The following ALKAL2 variants were observed in gnomAD, a reference collection of about 807,000 sequenced individuals.
The protein encoded by ALKAL2 is AUG-alpha.
ALKAL2 carries 8 observed loss-of-function variants against 18.5 expected under a neutral mutation model. The observed-to-expected ratio is 0.43, with a 90% confidence interval of 0.25 to 0.78. The LOEUF (loss-of-function observed/expected upper bound fraction) is 0.78. Among genes scored for constraint, ALKAL2 ranks in the 30% least tolerant of loss-of-function variants. The pLI is 0.22. For missense variants in ALKAL2, 241 were observed against 211.2 expected, an observed-to-expected ratio of 1.14 and a Z score of -0.88; for synonymous variants, 135 against 95.8, an observed-to-expected ratio of 1.41 and a Z score of -2.39.
rs1670588341 is a variant in ALKAL2, at chr2:287,995, C to G, written c.-58+18G>C. 1 of 1,233,398 alleles carries G rather than the reference C, an allele frequency of 8.1e-7. No individual in the cohort carries two copies. The highest frequency in any genetic ancestry group is 1.0e-6 in the Non-Finnish European group (1 of 990,436). The allele number at this position is 1,233,398 out of a possible 1,614,324, so 76.4% of individuals were successfully genotyped here. A position where few individuals can be genotyped will look rare whatever the true frequency, so the allele number is the denominator to read the frequency against. On this transcript the variant is annotated intron_variant, in intron 1 of 5. Coordinates refer to ENST00000403610, the MANE Select transcript of ALKAL2 (RefSeq NM_001002919.3). ...GGGGAGGCGGGAGGAGCCGCTGGCG[C>G]TGGACCCGGCCCCTCACCTCCGCGG...
intron 4 of ALKAL2, among the ~76,000 whole-genome samples, chr2:284,642 A>G (rs957721475): frequency 6.6e-6 from 1 of 152,192 alleles, no homozygotes; most frequent in Non-Finnish European, 1.5e-5. Context: ...GGAGGTATCG[A>G]ATGCAGGCAC....
chr2:286,401 GA>G, intron 2 of ALKAL2, 58 bp from the exon 3 acceptor site: 2 of 1,343,756 alleles, frequency 1.5e-6, no homozygotes, highest in Non-Finnish European at 2.1e-6. Context: ...TTAAAAATGT[GA>G]TCTTAAGTGA....
chr2:280,257 A>G, intron 5 of ALKAL2, 105 bp from the exon 6 acceptor site: 1 of 1,272,054 alleles, frequency 7.9e-7, no homozygotes, highest in Admixed American at 1.7e-5. Flanking sequence ...TTATAAACAT[A>G]GGCAGTCTCA....
chr2:279,914 T>C lies in ALKAL2; in HGVS notation c.*233A>G, dbSNP rs1670280635. 5.9e-6 allele frequency: 3 copies of C among 505,628 alleles called. No homozygotes were observed. The highest frequency in any genetic ancestry group is 1.1e-5 in the Non-Finnish European group (3 of 280,932). The allele number at this position is 505,628 out of a possible 1,614,324, so 31.3% of individuals were successfully genotyped here. A position where few individuals can be genotyped will look rare whatever the true frequency, so the allele number is the denominator to read the frequency against. On this transcript the variant is annotated 3_prime_UTR_variant, in exon 6 of 6. Coordinates refer to ENST00000403610, the MANE Select transcript of ALKAL2 (RefSeq NM_001002919.3). ...ACACGTCAAATGTGGAGCATTCCTT[T>C]TGTGTTTTTTTTTTAAATAAGTGAC...
chr2:284,244 T>G (rs530521305), intron 4 of ALKAL2, among the ~76,000 whole-genome samples: 4 of 152,320 alleles, frequency 2.6e-5, no homozygotes, highest in East Asian at 1.9e-4. Flanking sequence ...TCAACCCAGG[T>G]GTTTTCAGCA....
intron 5 of ALKAL2, among the ~76,000 whole-genome samples, chr2:282,127 G>A (rs1485523464): frequency 2.0e-5 from 3 of 152,148 alleles, no homozygotes; most frequent in Non-Finnish European, 4.4e-5. Flanking sequence ...ATGGAGTGGG[G>A]GATGCATGGG....
chr2:287,627 C>G lies in ALKAL2; in HGVS notation c.209G>C (p.Arg70Pro), dbSNP rs1670565346. 2.0e-6 allele frequency: 3 copies of G among 1,477,188 alleles called. No homozygotes were observed. The highest frequency in any genetic ancestry group is 8.9e-7 in the Non-Finnish European group (1 of 1,119,870). 91.5% of individuals were successfully genotyped at this position (1,477,188 alleles called of 1,614,324 possible). The change falls in exon 2 of 6, where the codon CGC becomes CCC. Residue 70 changes from arginine to proline, a missense_variant. Arg to Pro is a moderately radical substitution (Grantham distance 103). Transcript: ENST00000403610. Reference sequence around the variant, plus strand: ...AGGCCCCAGCCCCGCCGCCTCCGCGCGGCCCAGGGCGCAGTCCCGCCCGAG... The same window carrying G: ...AGGCCCCAGCCCCGCCGCCTCCGCGGGGCCCAGGGCGCAGTCCCGCCCGAG... ...QLLGRDCALG[R>P]AEAAGLGPSP...
chr2:280,473 C>G (rs890514099), intron 5 of ALKAL2, among the ~76,000 whole-genome samples: 1 of 152,198 alleles, frequency 6.6e-6, no homozygotes, highest in Non-Finnish European at 1.5e-5. Flanking sequence ...CAGGGATTAA[C>G]CTGGCAGTTC....
intron 5 of ALKAL2, 116 bp from the exon 6 acceptor site, chr2:280,268 G>T: frequency 9.0e-7 from 1 of 1,113,964 alleles, no homozygotes; most frequent in Non-Finnish European, 1.4e-6. Flanking sequence ...GGCAGTCTCA[G>T]AGTGCATCTG....
In ALKAL2 at chr2:279,948, CTG is replaced by C. The variant is rs1166924169; in HGVS notation, c.*197_*198del. ...TTTTTTAAATAAGTGACAGATAACA[CTG>C]TCAAGTACACTGATTTATCGAATAT... On this transcript the variant is annotated 3_prime_UTR_variant, in exon 6 of 6. Coordinates refer to ENST00000403610, the MANE Select transcript of ALKAL2 (RefSeq NM_001002919.3). 2.7e-5 allele frequency: 15 copies of C among 556,210 alleles called. No homozygotes were observed. In the South Asian group the frequency reaches 3.6e-4, roughly 13 times the overall value. The allele number at this position is 556,210 out of a possible 1,614,324, so 34.5% of individuals were successfully genotyped here. A position where few individuals can be genotyped will look rare whatever the true frequency, so the allele number is the denominator to read the frequency against.
rs916187104 is a variant in ALKAL2, at chr2:287,513, A to G, written c.253+70T>C. 7 of 1,138,202 alleles carry G rather than the reference A, an allele frequency of 6.2e-6. No individual in the cohort carries two copies. In the Admixed American group the frequency reaches 1.3e-4, roughly 21 times the overall value. The allele number at this position is 1,138,202 out of a possible 1,614,324, so 70.5% of individuals were successfully genotyped here. Reference sequence around the variant, plus strand: ...TGGTCAAAATTGATGTCTCTTTTTGAAACGTGTTTCTCAAAGACAATTCTA... The same window carrying G: ...TGGTCAAAATTGATGTCTCTTTTTGGAACGTGTTTCTCAAAGACAATTCTA... On this transcript the variant is annotated intron_variant, in intron 2 of 5. Transcript: ENST00000403610.
chr2:288,072 A>G lies in ALKAL2; in HGVS notation c.-117T>C, dbSNP rs1670592488. Reference sequence around the variant, plus strand: ...GGGAGCCGCGGTCTCCTCGACGATCACGCCCGAGGTCCCGCCCACGGGGAG... The same window carrying G: ...GGGAGCCGCGGTCTCCTCGACGATCGCGCCCGAGGTCCCGCCCACGGGGAG... On this transcript the variant is annotated 5_prime_UTR_variant, in exon 1 of 6. Coordinates refer to ENST00000403610, the MANE Select transcript of ALKAL2 (RefSeq NM_001002919.3). 8.4e-7 allele frequency: 1 copy of G among 1,197,152 alleles called. No individual in the cohort carries two copies. Among genetic ancestry groups the G allele is most frequent in the Admixed American group, 4.5e-5 (1 of 22,326 alleles). The allele number at this position is 1,197,152 out of a possible 1,614,324, so 74.2% of individuals were successfully genotyped here.
In ALKAL2 at chr2:286,349, T is replaced by C. The variant is rs779801156; in HGVS notation, c.254-6A>G. On this transcript the variant is annotated splice_polypyrimidine_tract_variant and splice_region_variant and intron_variant, in intron 2 of 5. Transcript: ENST00000403610. ...CAGATCTCGAGGAACAATTTCTGTT[T>C]CAGGGAAAAGAAAGTATTATATTAC... 1 of 1,606,250 alleles carries C rather than the reference T, an allele frequency of 6.2e-7. No individual in the cohort carries two copies. Among genetic ancestry groups the C allele is most frequent in the Non-Finnish European group, 8.5e-7 (1 of 1,175,164 alleles).
intron 5 of ALKAL2, among the ~76,000 whole-genome samples, chr2:281,539 G>A (rs956920794): frequency 7.2e-5 from 11 of 152,306 alleles, no homozygotes; most frequent in East Asian, 3.9e-4. Context: ...CAGGACGTGC[G>A]CACGCAGAGA....
Position 279,895 on chromosome 2 carries a change from C to T in ALKAL2, c.*252G>A. On this transcript the variant is annotated 3_prime_UTR_variant, in exon 6 of 6. Coordinates refer to ENST00000403610, the MANE Select transcript of ALKAL2 (RefSeq NM_001002919.3). ...TTCTGTGTTTTATAGCACTACACGT[C>T]AAATGTGGAGCATTCCTTTTGTGTT... is the stretch of plus-strand genomic sequence containing the variant. 4.1e-6 allele frequency: 2 copies of T among 484,434 alleles called. No individual in the cohort carries two copies. Among genetic ancestry groups the T allele is most frequent in the South Asian group, 8.1e-5 (2 of 24,716 alleles). The allele number at this position is 484,434 out of a possible 1,614,324, so 30.0% of individuals were successfully genotyped here.
chr2:284,378 C>CT (rs1267165077), intron 4 of ALKAL2, among the ~76,000 whole-genome samples: 2 of 152,220 alleles, frequency 1.3e-5, no homozygotes, highest in Admixed American at 6.5e-5. Flanking sequence ...TGGGACCACA[C>CT]TTTGAGAAGG....
chr2:284,677 T>C (rs2103083307), intron 4 of ALKAL2, among the ~76,000 whole-genome samples: 1 of 152,308 alleles, frequency 6.6e-6, no homozygotes, highest in East Asian at 1.9e-4. Flanking sequence ...GAAAAAGGCC[T>C]GCAGAGTCAA....
chr2:286,442 G>T, intron 2 of ALKAL2, 99 bp from the exon 3 acceptor site: 1 of 878,778 alleles, frequency 1.1e-6, no homozygotes, highest in Non-Finnish European at 1.8e-6. Flanking sequence ...CTCCATATTA[G>T]CCAAGTTGCT....
chr2:283,095 G>A lies in ALKAL2; in HGVS notation c.453+16C>T, dbSNP rs779607502. The stretch of plus-strand genomic sequence containing the variant: ...ATCTTTGGTATGTGCTCCAGTGTGT[G>A]TCTGTCCAAGCTTACCTTATCCTCC... On this transcript the variant is annotated intron_variant, in intron 5 of 5. Coordinates refer to ENST00000403610, the MANE Select transcript of ALKAL2 (RefSeq NM_001002919.3). 26 of 1,607,192 alleles carry A rather than the reference G, an allele frequency of 1.6e-5. No individual in the cohort carries two copies. The highest frequency in any genetic ancestry group is 3.3e-4 in the Middle Eastern group (2 of 6,052).
Sources: allele counts gnomAD v4.1 joint callset (sites outside exome capture counted in the v4.1 genomes callset), GRCh38; gene constraint gnomAD v4.1.1; transcripts MANE v1.5; gene names NCBI Gene and HGNC (gene_info 2026-07-23, HGNC 2026-07-21).